ATP2B3: variants seen among roughly 807,000 people sequenced by gnomAD.
The protein encoded by ATP2B3 is ATPase plasma membrane Ca2+ transporting 3, also known as plasma membrane calcium-transporting ATPase 3.
A neutral mutation model predicts 70.8 loss-of-function variants in ATP2B3; 12 were observed. That is an observed-to-expected ratio of 0.17 (90% confidence interval 0.11 to 0.27). The LOEUF (loss-of-function observed/expected upper bound fraction) is 0.27. Among genes scored for constraint, ATP2B3 ranks in the 10% least tolerant of loss-of-function variants. The probability of loss-of-function intolerance (pLI) is 1.00; values close to 1 mark genes in which losing one functional copy is unlikely to be tolerated. For missense variants in ATP2B3, 858 were observed against 1,118.5 expected (o/e 0.77, Z 3.32); for synonymous variants, 460 against 497.8 (o/e 0.92, Z 1.01).
chrX:153,555,390 G>A (rs184456679), intron 13 of ATP2B3, among the ~76,000 whole-genome samples: 2 of 111,447 alleles, frequency 1.8e-5, no homozygotes, highest in Non-Finnish European at 3.8e-5. Context: ...ACACTTACCC[G>A]ACGGTGCTCA....
At chrX:153,573,654 G>A (rs5945148) in intron 21 of ATP2B3, among the ~76,000 whole-genome samples, 55,489 of 112,005 alleles carry the variant, frequency 0.5, 11,895 homozygotes, top group Non-Finnish European at 0.68. Flanking sequence ...CAGGCACTCC[G>A]AGTGTGGACT....
At position 153,541,530 on chromosome X, in the gene ATP2B3, A is replaced by G; in HGVS notation, c.380A>G (p.Tyr127Cys). The G allele has an allele frequency of 8.3e-7, 1 of 1,210,955 alleles. No homozygotes were observed. Among genetic ancestry groups the G allele is most frequent in the Non-Finnish European group, 1.1e-6 (1 of 895,340 alleles). Residue 127 changes from tyrosine (Y) to cysteine (C), a missense_variant, in exon 4 of 22, where the codon TAT becomes TGT. Coordinates refer to ENST00000263519, the MANE Select transcript of ATP2B3 (RefSeq NM_001001344.3). ...AAIVSLGLSF[Y>C]APPGEESEAC... ...ATCGTCTCTCTGGGCCTCTCGTTCTATGCGCCGCCAGGAGAGGAGAGTGAA... is the reference window on the plus strand; with the variant it reads ...ATCGTCTCTCTGGGCCTCTCGTTCTGTGCGCCGCCAGGAGAGGAGAGTGAA...
At chrX:153,568,828 G>A (rs996705031) in intron 21 of ATP2B3, among the ~76,000 whole-genome samples, 1 of 112,660 alleles carries the variant, frequency 8.9e-6, no homozygotes, top group Non-Finnish European at 1.9e-5. Flanking sequence ...TGCAGGGCTC[G>A]GGCTGGAGCA....
chrX:153,544,108 C>T (rs2090329306), intron 7 of ATP2B3, among the ~76,000 whole-genome samples: 1 of 112,579 alleles, frequency 8.9e-6, no homozygotes. Context: ...CTCCCTGCAC[C>T]GGCTCTTCTT....
rs181489632 is a variant in ATP2B3 at position 153,527,179 on chromosome X, A to G, written c.-127+8628A>G. Among the ~76,000 whole-genome samples, 593 of 112,871 alleles carry G rather than the reference A, an allele frequency of 5.3e-3. 3 individuals are homozygous for G. The highest frequency in any genetic ancestry group is 0.014 in the Middle Eastern group (3 of 218). On this transcript the variant is annotated intron_variant, in intron 2 of 21. Coordinates refer to ENST00000263519, the MANE Select transcript of ATP2B3 (RefSeq NM_001001344.3). ...GCTGGGACGGGCACCGAGGTACCAC[A>G]GCAGAGCCGGGCCGACTTGGGGCAC...
At chrX:153,552,139 T>C (rs952173925) in intron 12 of ATP2B3, among the ~76,000 whole-genome samples, 1 of 112,238 alleles carries the variant, frequency 8.9e-6, no homozygotes, top group Non-Finnish European at 1.9e-5. Flanking sequence ...TGTGCTTCTT[T>C]TTTGGTGGGC....
chrX:153,520,335 C>G (rs2089941882), intron 2 of ATP2B3, among the ~76,000 whole-genome samples: 1 of 112,568 alleles, frequency 8.9e-6, no homozygotes, highest in Non-Finnish European at 1.9e-5. Flanking sequence ...TGAGTACCCT[C>G]TGGGCCTCTT....
chrX:153,565,092 A>C lies in ATP2B3; in HGVS notation c.3331A>C (p.Ile1111Leu). 1 of 1,184,831 alleles carries C rather than the reference A, an allele frequency of 8.4e-7. No individual in the cohort carries two copies. Among genetic ancestry groups the C allele is most frequent in the Non-Finnish European group, 1.1e-6 (1 of 881,724 alleles). ...CCTCTGGTTCCGGGGCCTGAACCGG[A>C]TTCAGACGCAGGTAAGCCCCGACTC... ...QILWFRGLNRIQTQIRVVKAF... is the reference protein window; with the variant it reads ...QILWFRGLNRLQTQIRVVKAF... Residue 1111 changes from isoleucine (I) to leucine (L), a missense_variant, in exon 21 of 22, where the codon ATT becomes CTT. Ile to Leu is a conservative substitution (Grantham distance 5). Transcript: ENST00000263519.
At chrX:153,577,214 G>A (rs1248031421) in intron 21 of ATP2B3, among the ~76,000 whole-genome samples, 1 of 113,141 alleles carries the variant, frequency 8.8e-6, no homozygotes, top group Non-Finnish European at 1.9e-5. Context: ...TGGAGTAGCC[G>A]GTGAGACCGG....
chrX:153,543,457 G>C (rs1321439413), intron 7 of ATP2B3, among the ~76,000 whole-genome samples: 1 of 113,084 alleles, frequency 8.8e-6, no homozygotes, highest in Non-Finnish European at 1.9e-5. Flanking sequence ...AATGGCGTTA[G>C]AGGGACAGGA....
At chrX:153,569,632 C>T (rs373530089) in intron 21 of ATP2B3, 2 of 1,211,529 alleles carry the variant, frequency 1.7e-6, no homozygotes, top group Non-Finnish European at 2.2e-6. Context: ...TCAAGAGAAG[C>T]GGTTCAGTTC....
In ATP2B3 at chrX:153,549,380, T is replaced by A; in HGVS notation, c.1339-117T>A. 13 of 1,161,550 alleles carry A rather than the reference T, an allele frequency of 1.1e-5. 1 individual carries two copies. In the South Asian group the frequency reaches 2.6e-4, roughly 23 times the overall value. On this transcript the variant is annotated intron_variant, in intron 10 of 21. Transcript: ENST00000263519. ...CTGACCAGGTGCCCAGTGGGCTTAG[T>A]GCCACACGTGGAGCTAGCTGAGCAG... is the stretch of plus-strand genomic sequence containing the variant.
intron 20 of ATP2B3, 146 bp from the exon 21 acceptor site, chrX:153,564,775 C>A (rs1801361397): frequency 1.6e-5 from 10 of 617,208 alleles, no homozygotes; most frequent in Non-Finnish European, 2.4e-5. Context: ...GGGGACTGCT[C>A]TAGCTTTACT....
At chrX:153,562,657 A>G (rs1437850160) in intron 20 of ATP2B3, among the ~76,000 whole-genome samples, 1 of 112,218 alleles carries the variant, frequency 8.9e-6, no homozygotes, top group Non-Finnish European at 1.9e-5. Flanking sequence ...AGAGTCCCAC[A>G]TCGAGCTCTG....
At chrX:153,547,116 G>A (rs1366327840) in intron 8 of ATP2B3, among the ~76,000 whole-genome samples, 2 of 111,759 alleles carry the variant, frequency 1.8e-5, no homozygotes, top group Admixed American at 9.4e-5. Flanking sequence ...CGGTCCCGGG[G>A]CAGAAGAGGG....
intron 21 of ATP2B3, chrX:153,569,278 T>C (rs6643626): frequency 0.41 from 207,775 of 505,097 alleles, 30,159 homozygotes; most frequent in East Asian, 0.54. Flanking sequence ...GGTTGAGAAC[T>C]ATGAAGTACT....
At position 153,548,712 on chromosome X, in the gene ATP2B3, G is replaced by A. The variant is rs201209579; in HGVS notation, c.1196G>A (p.Gly399Asp). The A allele has an allele frequency of 1.1e-4, 136 of 1,209,563 alleles. No individual in the cohort carries two copies. Among genetic ancestry groups the A allele is most frequent in the Non-Finnish European group, 1.3e-4 (118 of 895,152 alleles). ...GTGATTGAGACGTTTGTCGTGGAAG[G>A]CCGGACATGGCTGGCAGAGTGCACG... ...YFVIETFVVEGRTWLAECTPV... is the reference protein window; with the variant it reads ...YFVIETFVVEDRTWLAECTPV... The change falls in exon 10 of 22, where the codon GGC becomes GAC. Residue 399 changes from glycine to aspartate, a missense_variant. By Grantham distance (94) the Gly-to-Asp change is moderately conservative. Transcript: ENST00000263519.
intron 2 of ATP2B3, among the ~76,000 whole-genome samples, chrX:153,523,709 T>C (rs1426851044): frequency 1.5e-4 from 8 of 53,624 alleles, no homozygotes; most frequent in Non-Finnish European, 2.9e-4. Flanking sequence ...TTTTTTTTTT[T>C]TTCCCTGAGA....
chrX:153,548,243 C>T (rs2124441733), intron 9 of ATP2B3, among the ~76,000 whole-genome samples: 1 of 109,536 alleles, frequency 9.1e-6, no homozygotes, highest in Admixed American at 9.9e-5. Flanking sequence ...GAGCCACTGC[C>T]CATGAGGTGC....
Sources: gnomAD v4.1 joint callset for allele counts (sites outside exome capture counted in the v4.1 genomes callset) on GRCh38, gnomAD v4.1.1 for gene constraint, MANE v1.5 for transcripts, NCBI Gene and HGNC (gene_info 2026-07-23, HGNC 2026-07-21) for gene names.